Variants in NPR3 observed in about 807,000 individuals in gnomAD.
NPR3 encodes natriuretic peptide receptor 3, also known as atrial natriuretic peptide receptor 3.
In NPR3, 34 loss-of-function variants were observed where a neutral mutation model predicts 54.5. The observed-to-expected ratio is 0.62, with a 90% CI of 0.47 to 0.83. The LOEUF (loss-of-function observed/expected upper bound fraction) is 0.83, where lower values mean the gene tolerates loss of function less well. NPR3 is among the 40% of genes least tolerant of loss of function. NPR3 has a pLI of 0.00. For synonymous variants in NPR3, 289 were observed against 297.1 expected (o/e 0.97, Z 0.28); for missense variants, 674 against 720.8 (o/e 0.94, Z 0.74).
At chr5:32,740,906 A>G (rs1448773636) in intron 3 of NPR3, among the ~76,000 whole-genome samples, 1 of 152,038 alleles carries the variant, frequency 6.6e-6, no homozygotes, top group African/African-American at 2.4e-5. Context: ...TAGTGTTGTC[A>G]TCATCCAAAT....
intron 3 of NPR3, among the ~76,000 whole-genome samples, chr5:32,743,386 CTT>C (rs1402648847): frequency 6.6e-6 from 1 of 150,496 alleles, no homozygotes; most frequent in African/African-American, 2.4e-5. Flanking sequence ...TACCTATACT[CTT>C]TGTATGTGTG....
chr5:32,713,672 C>T (rs570392903), intron 1 of NPR3, among the ~76,000 whole-genome samples: 1 of 152,350 alleles, frequency 6.6e-6, no homozygotes, highest in South Asian at 2.1e-4. Flanking sequence ...TAGTCCACAA[C>T]TTGGCATGGC....
intron 2 of NPR3, among the ~76,000 whole-genome samples, chr5:32,738,077 T>G (rs920420248): frequency 2.6e-5 from 4 of 152,176 alleles, no homozygotes; most frequent in African/African-American, 4.8e-5. Context: ...AAGCTACTGT[T>G]CACCCTGAAA....
intron 5 of NPR3, among the ~76,000 whole-genome samples, 195 bp from the exon 6 acceptor site, chr5:32,782,698 G>A (rs190529703): frequency 1.4e-4 from 22 of 152,240 alleles, no homozygotes; most frequent in Admixed American, 1.0e-3. Context: ...GTGGACAACC[G>A]AGGAACGTGC....
chr5:32,730,458 C>T (rs1181822664), intron 2 of NPR3, among the ~76,000 whole-genome samples: 3 of 152,112 alleles, frequency 2.0e-5, no homozygotes, highest in African/African-American at 4.8e-5. Flanking sequence ...CAATTTGCCA[C>T]TGGGGGTTCT....
chr5:32,785,511 G>A (rs1258932405), intron 7 of NPR3, among the ~76,000 whole-genome samples: 3 of 152,104 alleles, frequency 2.0e-5, no homozygotes, highest in Non-Finnish European at 4.4e-5. Context: ...CAGTGGGGAG[G>A]GAATCTGGAT....
rs1330417561 is a variant in NPR3, at chr5:32,711,898, G to T, written c.122G>T (p.Gly41Val). ...GGGGGAGIGG[G>V]RQEREALPPQ... is the part of the protein sequence containing the mutation. ...GGCGGTGGCGCGGGCATAGGCGGCG[G>T]ACGCCAGGAGAGAGAGGCGCTGCCG... The change falls in exon 1 of 8, where the codon GGA (glycine) becomes GTA (valine). Residue 41 changes from glycine (G) to valine (V), a missense_variant. Physicochemically the swap from Gly to Val is moderately radical, Grantham distance 109. Transcript: ENST00000265074. The T allele has an allele frequency of 6.8e-7, 1 of 1,475,096 alleles. No homozygotes were observed. Among genetic ancestry groups the T allele is most frequent in the East Asian group, 2.5e-5 (1 of 39,818 alleles). The allele number at this position is 1,475,096 out of a possible 1,614,324, so 91.4% of individuals were successfully genotyped here.
In NPR3 at chr5:32,789,420, A is replaced by G. The variant is rs1444369783; in HGVS notation, c.*3075A>G. ...AGGTTTCATGAGAAGGTCCCTGAAA[A>G]CATCACATTTCTCTGAAGAACCATC... is the stretch of plus-strand genomic sequence containing the variant. On this transcript the variant is annotated 3_prime_UTR_variant, in exon 8 of 8. Transcript: ENST00000265074. 3.8e-6 allele frequency: 2 copies of G among 526,036 alleles called. No homozygotes were observed. The highest frequency in any genetic ancestry group is 3.9e-5 in the African/African-American group (2 of 51,350). 32.6% of individuals were successfully genotyped at this position (526,036 alleles called of 1,614,324 possible). A position where few individuals can be genotyped will look rare whatever the true frequency, so the allele number is the denominator to read the frequency against.
intron 3 of NPR3, among the ~76,000 whole-genome samples, chr5:32,755,885 A>G (rs905750588): frequency 1.3e-5 from 2 of 152,216 alleles, no homozygotes; most frequent in African/African-American, 2.4e-5. Context: ...TAGTTTGCTG[A>G]GAATGATGGT....
intron 1 of NPR3, among the ~76,000 whole-genome samples, chr5:32,702,016 G>C (rs1737820640): frequency 6.6e-6 from 1 of 152,164 alleles, no homozygotes; most frequent in African/African-American, 2.4e-5. Context: ...AAGGTCTGTA[G>C]TAACCACTGC....
upstream of NPR3, among the ~76,000 whole-genome samples, chr5:32,709,067 C>T (rs1561071345): frequency 6.6e-6 from 1 of 152,056 alleles, no homozygotes; most frequent in Admixed American, 6.6e-5. Context: ...CTTACTTAAG[C>T]GCACTGCCCT....
chr5:32,762,277 A>G (rs1579674579), intron 3 of NPR3, among the ~76,000 whole-genome samples: 1 of 151,974 alleles, frequency 6.6e-6, no homozygotes, highest in Non-Finnish European at 1.5e-5. Context: ...TCTTTATAGC[A>G]GAATAATTTA....
In NPR3 at chr5:32,739,044, T is replaced by G; in HGVS notation, c.1059+14T>G. The G allele has an allele frequency of 1.9e-6, 3 of 1,612,890 alleles. No homozygotes were observed. Among genetic ancestry groups the G allele is most frequent in the Non-Finnish European group, 2.5e-6 (3 of 1,179,248 alleles). ...ATGGAGGATTACGTAAGTGCCTGATTATGAGCCTAGACCTTTAGCATCCTG... is the reference window on the plus strand; with the variant it reads ...ATGGAGGATTACGTAAGTGCCTGATGATGAGCCTAGACCTTTAGCATCCTG... On this transcript the variant is annotated intron_variant, in intron 3 of 7. Coordinates refer to ENST00000265074, the MANE Select transcript of NPR3 (RefSeq NM_001204375.2).
Position 32,791,463 on chromosome 5 carries a change from C to T in NPR3, c.*5118C>T, listed in dbSNP as rs999548034. 1 of 167,074 alleles carries T rather than the reference C, an allele frequency of 6.0e-6. No individual in the cohort carries two copies. Among genetic ancestry groups the T allele is most frequent in the Non-Finnish European group, 1.5e-5 (1 of 68,106 alleles). The allele number at this position is 167,074 out of a possible 1,614,324, so 10.3% of individuals were successfully genotyped here. A position where few individuals can be genotyped will look rare whatever the true frequency, so the allele number is the denominator to read the frequency against. ...ACATACTGTTTATTGTTCTAATGTA[C>T]AACTAACTATTTGCATATAATGTGA... On this transcript the variant is annotated 3_prime_UTR_variant, in exon 8 of 8. Coordinates refer to ENST00000265074, the MANE Select transcript of NPR3 (RefSeq NM_001204375.2).
upstream of NPR3, chr5:32,711,272 G>T: frequency 1.0e-6 from 1 of 957,946 alleles, no homozygotes; most frequent in Non-Finnish European, 1.2e-6. Flanking sequence ...GTGGTAACAC[G>T]CTCAGCCGCT....
intron 3 of NPR3, among the ~76,000 whole-genome samples, chr5:32,760,227 A>G (rs1741088832): frequency 6.6e-6 from 1 of 152,166 alleles, no homozygotes; most frequent in South Asian, 2.1e-4. Context: ...TTGAGTAAAC[A>G]TCCAGGAATG....
chr5:32,717,505 C>T (rs1738620748), intron 1 of NPR3, among the ~76,000 whole-genome samples: 1 of 152,204 alleles, frequency 6.6e-6, no homozygotes, highest in African/African-American at 2.4e-5. Flanking sequence ...TCCACATCCT[C>T]TCCAGCATCT....
intron 3 of NPR3, among the ~76,000 whole-genome samples, chr5:32,771,288 C>T (rs899117228): frequency 4.6e-5 from 7 of 152,146 alleles, no homozygotes; most frequent in African/African-American, 1.4e-4. Context: ...CAGCAGCTCT[C>T]CTGCTAATTT....
In NPR3 at chr5:32,784,891, C is replaced by T. The variant is rs191926138; in HGVS notation, c.1514+8C>T. ...GGCCTTCTACTTTTTCAGGTGAGGA[C>T]GGTTTGTAAAGGTACAATTCACTCT... On this transcript the variant is annotated splice_region_variant and intron_variant, in intron 7 of 7. Transcript: ENST00000265074. 1.1e-4 allele frequency: 181 copies of T among 1,601,352 alleles called. No individual in the cohort carries two copies. In the East Asian group the frequency reaches 1.9e-3, roughly 17 times the overall value.
Sources: gnomAD v4.1 joint callset for allele counts (sites outside exome capture counted in the v4.1 genomes callset) on GRCh38, gnomAD v4.1.1 for gene constraint, MANE v1.5 for transcripts, NCBI Gene and HGNC (gene_info 2026-07-23, HGNC 2026-07-21) for gene names.